The following GLIS3 variants were observed in gnomAD, a reference collection of about 807,000 sequenced individuals.
The protein encoded by GLIS3 is GLIS family zinc finger 3.
In GLIS3, 53 loss-of-function variants were observed where a neutral mutation model predicts 78.6. The observed-to-expected ratio is 0.67, with a 90% CI of 0.54 to 0.85. GLIS3 has a LOEUF of 0.85. Ranked by LOEUF, GLIS3 falls within the 40% of genes least tolerant of loss-of-function variation. GLIS3 has a pLI of 0.00. For missense variants in GLIS3, 1,703 were observed against 1,231.1 expected, an observed-to-expected ratio of 1.38 and a Z score of -5.74; for synonymous variants, 684 against 509.9, an observed-to-expected ratio of 1.34 and a Z score of -4.60.
upstream of GLIS3, among the ~76,000 whole-genome samples, chr9:4,352,460 G>A (rs566085759): frequency 4.6e-5 from 7 of 152,406 alleles, no homozygotes; most frequent in South Asian, 1.2e-3. Flanking sequence ...ACTAAGGCAT[G>A]GTGGGGCATC....
chr9:4,457,275 C>A, the GLIS3 span, among the ~76,000 whole-genome samples: 1 of 151,710 alleles, frequency 6.6e-6, no homozygotes, highest in Non-Finnish European at 1.5e-5. Context: ...GTGGGAGGAT[C>A]ATTTGAGCCC....
intron 2 of GLIS3, among the ~76,000 whole-genome samples, chr9:4,270,681 T>G (rs1198188794): frequency 1.3e-5 from 2 of 152,098 alleles, no homozygotes; most frequent in African/African-American, 4.8e-5. Context: ...AAGTCAAACT[T>G]CTTGCAGCCT....
intron 4 of GLIS3, among the ~76,000 whole-genome samples, chr9:3,997,619 C>A (rs1200040591): frequency 6.6e-6 from 1 of 151,740 alleles, no homozygotes; most frequent in Non-Finnish European, 1.5e-5. Flanking sequence ...AAGTAAGATT[C>A]ATTGATCATG....
At chr9:4,248,187 C>T (rs1008890111) in intron 2 of GLIS3, among the ~76,000 whole-genome samples, 44 of 152,218 alleles carry the variant, frequency 2.9e-4, no homozygotes, top group Admixed American at 2.9e-3. Flanking sequence ...TTGCTGCACC[C>T]GTCAACCTGT....
At chr9:4,428,241 G>A in the GLIS3 span, among the ~76,000 whole-genome samples, 1 of 152,036 alleles carries the variant, frequency 6.6e-6, no homozygotes, top group Non-Finnish European at 1.5e-5. Flanking sequence ...CCCTTTGGGA[G>A]GTTGAGGCGG....
upstream of GLIS3, among the ~76,000 whole-genome samples, chr9:4,300,790 G>A (rs1368911630): frequency 6.6e-6 from 1 of 151,856 alleles, no homozygotes; most frequent in Non-Finnish European, 1.5e-5. Flanking sequence ...TCTGCTCCTA[G>A]TAGTTCATCA....
intron 4 of GLIS3, among the ~76,000 whole-genome samples, chr9:4,073,978 C>G (rs891597937): frequency 1.3e-5 from 2 of 152,156 alleles, no homozygotes; most frequent in African/African-American, 4.8e-5. Flanking sequence ...GGCCATCATA[C>G]GAACTGAGAG....
rs145412215 is a variant in GLIS3 at position 4,242,121 on chromosome 9, C to T, written c.388+43917G>A. On this transcript the variant is annotated intron_variant, in intron 2 of 10. Transcript: ENST00000381971. ...GAGTGTGCAGGGGTGCCCCAGGAGT[C>T]TGAGCAATAAGGGAAACCTGGCTTG... Among the ~76,000 whole-genome samples, 105 of 152,264 alleles carry T rather than the reference C, an allele frequency of 6.9e-4. 1 individual carries two copies. The East Asian group carries it at 0.014, about 20-fold the overall frequency.
chr9:4,123,439 T>C (rs191366281), intron 3 of GLIS3, among the ~76,000 whole-genome samples: 2 of 152,254 alleles, frequency 1.3e-5, no homozygotes, highest in South Asian at 4.1e-4. Context: ...TAATCAGAAT[T>C]GTGCAACAAA....
intron 2 of GLIS3, among the ~76,000 whole-genome samples, chr9:4,162,717 C>G (rs1835582411): frequency 1.3e-5 from 2 of 151,896 alleles, no homozygotes; most frequent in African/African-American, 2.4e-5. Context: ...ATAAGCTGGG[C>G]ATAGTGGCAC....
intron 2 of GLIS3, among the ~76,000 whole-genome samples, chr9:4,206,462 C>A (rs7033243): frequency 1.3e-5 from 2 of 152,000 alleles, no homozygotes; most frequent in African/African-American, 4.8e-5. Flanking sequence ...AAAACTCAGA[C>A]GCCTATTAGC....
chr9:4,247,346 A>G (rs1183268943), intron 2 of GLIS3, among the ~76,000 whole-genome samples: 1 of 152,362 alleles, frequency 6.6e-6, no homozygotes, highest in East Asian at 1.9e-4. Flanking sequence ...TCTCATGGTA[A>G]AAAGAAGTAC....
intron 2 of GLIS3, among the ~76,000 whole-genome samples, chr9:4,147,013 C>A (rs565168294): frequency 2.0e-5 from 3 of 152,118 alleles, no homozygotes; most frequent in African/African-American, 7.2e-5. Flanking sequence ...GGCATTTCAC[C>A]GTATGCCTCT....
intron 8 of GLIS3, among the ~76,000 whole-genome samples, chr9:3,874,586 G>T (rs916698364): frequency 6.6e-6 from 1 of 152,174 alleles, no homozygotes; most frequent in Middle Eastern, 3.4e-3. Flanking sequence ...CATCAGAAGT[G>T]GGGGGCAGTC....
intron 4 of GLIS3, among the ~76,000 whole-genome samples, chr9:3,976,703 C>G (rs977737144): frequency 6.9e-6 from 1 of 145,868 alleles, no homozygotes; most frequent in Non-Finnish European, 1.5e-5. Flanking sequence ...TCAAATAGGA[C>G]ACACCCATTT....
chr9:3,917,654 T>C (rs1824610178), intron 6 of GLIS3, among the ~76,000 whole-genome samples: 2 of 152,094 alleles, frequency 1.3e-5, no homozygotes, highest in Admixed American at 1.3e-4. Context: ...CCTTGTCATC[T>C]ATTGGTTTCA....
In GLIS3 at chr9:4,245,102, G is replaced by A. The variant is rs1456028381; in HGVS notation, c.388+40936C>T. On this transcript the variant is annotated intron_variant, in intron 2 of 10. Transcript: ENST00000381971. ...TCTAGATGCTCTAAGTTGCTGTAAC[G>A]TGTCTAGGTATGTATGTATCACAGA... Among the ~76,000 whole-genome samples, 10 of 152,224 alleles carry A rather than the reference G, an allele frequency of 6.6e-5. No individual in the cohort carries two copies. The South Asian group carries it at 2.1e-3, about 32-fold the overall frequency.
intron 2 of GLIS3, among the ~76,000 whole-genome samples, chr9:4,231,842 G>T (rs1204412996): frequency 6.6e-6 from 1 of 152,102 alleles, no homozygotes; most frequent in Admixed American, 6.5e-5. Context: ...AATATTAAAG[G>T]ATGTACTTCA....
intron 4 of GLIS3, among the ~76,000 whole-genome samples, chr9:4,025,589 T>G (rs973738745): frequency 3.3e-5 from 5 of 152,124 alleles, no homozygotes; most frequent in African/African-American, 1.2e-4. Context: ...GGTTTCACCA[T>G]GTTTGCCAGG....
Sources: allele counts gnomAD v4.1 joint callset (sites outside exome capture counted in the v4.1 genomes callset), GRCh38; gene constraint gnomAD v4.1.1; transcripts MANE v1.5; gene names NCBI Gene and HGNC (gene_info 2026-07-23, HGNC 2026-07-21).